The following ARHGAP15 variants were observed in gnomAD, a reference collection of about 807,000 sequenced individuals.
The protein encoded by ARHGAP15 is Rho GTPase activating protein 15.
In ARHGAP15, 51 loss-of-function variants were observed where a neutral mutation model predicts 63.7. That is an observed-to-expected ratio of 0.80 (90% CI 0.64 to 1.01). The LOEUF (loss-of-function observed/expected upper bound fraction) is 1.01, where lower values mean the gene tolerates loss of function less well. ARHGAP15 is among the 50% of genes least tolerant of loss of function. ARHGAP15 has a pLI of 0.00. For missense variants in ARHGAP15, 560 were observed against 564.6 expected (o/e 0.99, Z 0.08); for synonymous variants, 191 against 193.8 (o/e 0.99, Z 0.12).
At chr2:143,738,537 A>G (rs574038953) in intron 13 of ARHGAP15, among the ~76,000 whole-genome samples, 1 of 152,204 alleles carries the variant, frequency 6.6e-6, no homozygotes, top group Non-Finnish European at 1.5e-5. Context: ...CTCTTCGAAC[A>G]TCATGGAGAC....
chr2:143,638,813 TTAAA>T (rs1300562536), intron 12 of ARHGAP15, among the ~76,000 whole-genome samples: 2 of 152,000 alleles, frequency 1.3e-5, no homozygotes, highest in Non-Finnish European at 2.9e-5. Flanking sequence ...TAGTGGGAAT[TTAAA>T]TAAACCCCAT....
intron 10 of ARHGAP15, among the ~76,000 whole-genome samples, chr2:143,533,766 C>A (rs1431496764): frequency 6.6e-6 from 1 of 152,110 alleles, no homozygotes; most frequent in African/African-American, 2.4e-5. Flanking sequence ...AAGGTTATTA[C>A]TTTCTTTTGA....
chr2:143,761,266 C>T (rs1291028433), intron 13 of ARHGAP15, among the ~76,000 whole-genome samples: 2 of 152,216 alleles, frequency 1.3e-5, no homozygotes, highest in African/African-American at 2.4e-5. Context: ...TAACATTTCA[C>T]ATGCAGTGGC....
Position 143,487,473 on chromosome 2 carries a change from G to A in ARHGAP15, c.804G>A (p.Leu268=). 6.2e-7 allele frequency: 1 copy of A among 1,611,888 alleles called. No homozygotes were observed. The highest frequency in any genetic ancestry group is 8.5e-7 in the Non-Finnish European group (1 of 1,179,360). Residue 268 remains leucine (L), a synonymous_variant, in exon 9 of 14, where the codon CTG becomes CTA. Transcript: ENST00000295095. ...FITRRPSLKT[L]QEKGLIKDQI... Reference sequence around the variant, plus strand: ...CCCGAAGACCTTCCCTGAAAACTCTGCAAGAAAAAGGACTTATTAAAGGTA... The same window carrying A: ...CCCGAAGACCTTCCCTGAAAACTCTACAAGAAAAAGGACTTATTAAAGGTA...
At chr2:143,266,253 TGATAA>T (rs1287219121) in intron 6 of ARHGAP15, among the ~76,000 whole-genome samples, 10 of 152,184 alleles carry the variant, frequency 6.6e-5, no homozygotes, top group Non-Finnish European at 1.5e-4. Context: ...AATGCCCTTT[TGATAA>T]TACTGTCAAT....
intron 5 of ARHGAP15, among the ~76,000 whole-genome samples, chr2:143,240,291 A>G (rs1420382127): frequency 6.6e-6 from 1 of 152,174 alleles, no homozygotes; most frequent in Non-Finnish European, 1.5e-5. Flanking sequence ...AATGCAATAT[A>G]TCTAATGCTC....
At chr2:143,633,134 T>C (rs1055024370) in intron 12 of ARHGAP15, among the ~76,000 whole-genome samples, 2 of 152,168 alleles carry the variant, frequency 1.3e-5, no homozygotes, top group African/African-American at 4.8e-5. Flanking sequence ...TAGTTTCCAC[T>C]GCAAGCTAAC....
chr2:143,735,566 A>C (rs957152561), intron 13 of ARHGAP15, among the ~76,000 whole-genome samples: 6 of 152,184 alleles, frequency 3.9e-5, no homozygotes, highest in African/African-American at 9.6e-5. Flanking sequence ...TCAAAAAATT[A>C]TTCTTCTTGT....
At chr2:143,624,491 A>T (rs1003807090) in intron 12 of ARHGAP15, among the ~76,000 whole-genome samples, 1 of 152,106 alleles carries the variant, frequency 6.6e-6, no homozygotes, top group East Asian at 1.9e-4. Flanking sequence ...AAAATATGAC[A>T]TCCTATTTAG....
intron 8 of ARHGAP15, among the ~76,000 whole-genome samples, chr2:143,486,408 CAAA>C (rs35904219): frequency 3.0e-5 from 4 of 133,330 alleles, no homozygotes; most frequent in Admixed American, 7.7e-5. Flanking sequence ...CCATTTCTAC[CAAA>C]AAAAAAAAAA....
At chr2:143,306,220 G>T (rs529159106) in intron 6 of ARHGAP15, among the ~76,000 whole-genome samples, 1 of 152,218 alleles carries the variant, frequency 6.6e-6, no homozygotes, top group South Asian at 2.1e-4. Context: ...TACCAAAAAT[G>T]TGAGAAAGAC....
intron 11 of ARHGAP15, among the ~76,000 whole-genome samples, chr2:143,622,375 A>G (rs1698676292): frequency 6.6e-6 from 1 of 152,096 alleles, no homozygotes; most frequent in Admixed American, 6.6e-5. Context: ...AGTGAGAGGG[A>G]CATTTCAAAA....
At chr2:143,219,550 T>A (rs1478409238) in intron 4 of ARHGAP15, among the ~76,000 whole-genome samples, 1 of 152,244 alleles carries the variant, frequency 6.6e-6, no homozygotes, top group Non-Finnish European at 1.5e-5. Flanking sequence ...TTTGAACCTG[T>A]TAGGAATTTT....
chr2:143,626,669 T>A (rs1698848904), intron 12 of ARHGAP15, among the ~76,000 whole-genome samples: 1 of 152,128 alleles, frequency 6.6e-6, no homozygotes, highest in African/African-American at 2.4e-5. Context: ...TCCCCGCGAT[T>A]GGCTACTTTT....
chr2:143,750,075 G>T (rs896946369), intron 13 of ARHGAP15, among the ~76,000 whole-genome samples: 3 of 152,188 alleles, frequency 2.0e-5, no homozygotes, highest in Admixed American at 2.0e-4. Flanking sequence ...TGGAAAACCA[G>T]TGAGTTCTAA....
chr2:143,666,727 AAAAC>A lies in ARHGAP15; in HGVS notation c.1139-36685_1139-36682del, dbSNP rs762662136. Among the ~76,000 whole-genome samples, 20 of 135,500 alleles carry A rather than the reference AAAAC, an allele frequency of 1.5e-4. No homozygotes were observed. In the East Asian group the frequency reaches 2.7e-3, roughly 18 times the overall value. The allele number at this position is 135,500 out of a possible 152,430, so 88.9% of individuals were successfully genotyped here. A position where few individuals can be genotyped will look rare whatever the true frequency, so the allele number is the denominator to read the frequency against. On this transcript the variant is annotated intron_variant, in intron 12 of 13. Transcript: ENST00000295095. ...TGAACTCAAACAAATTTACAAGAAA[AAAAC>A]AAACAACCCCATCAGAAAGTGGGCT...
At chr2:143,594,123 G>GA (rs1353991626) in intron 11 of ARHGAP15, among the ~76,000 whole-genome samples, 6 of 151,878 alleles carry the variant, frequency 4.0e-5, no homozygotes, top group African/African-American at 1.5e-4. Flanking sequence ...TTAAAAGGAG[G>GA]AAAAAAGAGC....
In ARHGAP15 at chr2:143,226,340, G is replaced by T. The variant is rs115080370; in HGVS notation, c.297-2241G>T. On this transcript the variant is annotated intron_variant, in intron 4 of 13. Transcript: ENST00000295095. The stretch of plus-strand genomic sequence containing the variant: ...ATTTATCCAGGACTTACTATAGATA[G>T]GATGCAAATAAGGTATAGTGTCTCC... 4.6e-3 allele frequency among the ~76,000 whole-genome samples: 702 copies of T among 152,262 alleles called. 4 individuals carry two copies. Among genetic ancestry groups the T allele is most frequent in the Non-Finnish European group, 6.9e-3 (467 of 68,004 alleles).
At chr2:143,669,295 C>T (rs950770220) in intron 12 of ARHGAP15, among the ~76,000 whole-genome samples, 1 of 152,198 alleles carries the variant, frequency 6.6e-6, no homozygotes, top group African/African-American at 2.4e-5. Flanking sequence ...AGCCAGCTTC[C>T]TTACCCACTG....
Sources: gnomAD v4.1 joint callset for allele counts (sites outside exome capture counted in the v4.1 genomes callset) on GRCh38, gnomAD v4.1.1 for gene constraint, MANE v1.5 for transcripts, NCBI Gene and HGNC (gene_info 2026-07-23, HGNC 2026-07-21) for gene names.